Variants in FHL5 observed in about 807,000 individuals in gnomAD.
FHL5 encodes the protein four and a half LIM domains 5.
Under a neutral mutation model 32.0 loss-of-function variants are expected in FHL5, and 33 were observed. The observed-to-expected ratio is 1.03, with a 90% confidence interval of 0.78 to 1.38. FHL5 has a LOEUF of 1.38. Among genes scored for constraint, FHL5 ranks in the 40% most tolerant of loss-of-function variants. The probability of loss-of-function intolerance (pLI) is 0.00; values close to 1 mark genes in which losing one functional copy is unlikely to be tolerated. For synonymous variants in FHL5, 114 were observed against 113.6 expected (o/e 1.00, Z -0.02); for missense variants, 336 against 343.9 (o/e 0.98, Z 0.18).
chr6:96,569,999 G>A (rs974470572), intron 1 of FHL5, among the ~76,000 whole-genome samples: 1 of 151,674 alleles, frequency 6.6e-6, no homozygotes. Flanking sequence ...GTTAATCATT[G>A]TGGTTTGGTG....
At chr6:96,589,940 C>T (rs375022590) in intron 1 of FHL5, among the ~76,000 whole-genome samples, 2 of 151,994 alleles carry the variant, frequency 1.3e-5, no homozygotes, top group East Asian at 3.8e-4. Context: ...TCCTATTCTT[C>T]GTTATTCCTC....
At chr6:96,585,052 A>T (rs180917771) in intron 1 of FHL5, among the ~76,000 whole-genome samples, 1 of 152,154 alleles carries the variant, frequency 6.6e-6, no homozygotes, top group Non-Finnish European at 1.5e-5. Flanking sequence ...ACTGTCCATC[A>T]GTCACCTTTT....
At chr6:96,592,588 G>A (rs1025363038) in intron 1 of FHL5, among the ~76,000 whole-genome samples, 7 of 152,098 alleles carry the variant, frequency 4.6e-5, no homozygotes, top group African/African-American at 1.7e-4. Context: ...GTGAAAACAG[G>A]CATAGGAAAT....
At chr6:96,563,661 G>A (rs1770294292) in intron 1 of FHL5, among the ~76,000 whole-genome samples, 1 of 152,078 alleles carries the variant, frequency 6.6e-6, no homozygotes, top group Non-Finnish European at 1.5e-5. Flanking sequence ...GTGGGGTATA[G>A]CTTTATTGTT....
chr6:96,594,257 ATATATATATATATATATG>A (rs1488495344), intron 1 of FHL5, among the ~76,000 whole-genome samples: 1 of 99,322 alleles, frequency 1.0e-5, no homozygotes, highest in African/African-American at 3.2e-5. Context: ...ATATATATAT[ATATATATATATATATATG>A]TATGTATGTA....
chr6:96,589,515 T>C (rs916267940), intron 1 of FHL5, among the ~76,000 whole-genome samples: 9 of 152,086 alleles, frequency 5.9e-5, no homozygotes, highest in Admixed American at 3.9e-4. Context: ...TCAAGTCTTT[T>C]GTACTTTTAT....
chr6:96,575,436 C>A (rs1209450675), intron 1 of FHL5, among the ~76,000 whole-genome samples: 1 of 152,148 alleles, frequency 6.6e-6, no homozygotes, highest in Non-Finnish European at 1.5e-5. Context: ...CCCTTCCCAG[C>A]CTGAACTGAG....
At chr6:96,607,467 C>T (rs1771309466) in intron 4 of FHL5, among the ~76,000 whole-genome samples, 1 of 152,030 alleles carries the variant, frequency 6.6e-6, no homozygotes, top group South Asian at 2.1e-4. Flanking sequence ...ACCACTACTG[C>T]ATTTAAAGAG....
intron 1 of FHL5, among the ~76,000 whole-genome samples, chr6:96,600,911 G>A (rs1771133697): frequency 6.6e-6 from 1 of 152,160 alleles, no homozygotes; most frequent in African/African-American, 2.4e-5. Flanking sequence ...TGAACCAAAT[G>A]CTTCCTCCCA....
chr6:96,593,324 T>C (rs1300181771), intron 1 of FHL5, among the ~76,000 whole-genome samples: 1 of 152,144 alleles, frequency 6.6e-6, no homozygotes, highest in African/African-American at 2.4e-5. Context: ...ATTCTTTATA[T>C]TCCCTTGTCT....
chr6:96,592,578 G>A (rs1770944626), intron 1 of FHL5, among the ~76,000 whole-genome samples: 1 of 152,128 alleles, frequency 6.6e-6, no homozygotes, highest in Non-Finnish European at 1.5e-5. Context: ...AGAGATTAAA[G>A]TGAAAACAGG....
chr6:96,599,118 A>G (rs1771094854), intron 1 of FHL5, among the ~76,000 whole-genome samples: 1 of 152,148 alleles, frequency 6.6e-6, no homozygotes, highest in South Asian at 2.1e-4. Context: ...AAAATACAAA[A>G]ATAGCTATTT....
intron 1 of FHL5, among the ~76,000 whole-genome samples, chr6:96,585,813 A>G (rs968907123): frequency 6.6e-6 from 1 of 152,216 alleles, no homozygotes; most frequent in East Asian, 1.9e-4. Context: ...ATTATATCCT[A>G]GTGCACTTCA....
At chr6:96,584,394 G>A (rs948062491) in intron 1 of FHL5, among the ~76,000 whole-genome samples, 1 of 151,424 alleles carries the variant, frequency 6.6e-6, no homozygotes, top group African/African-American at 2.4e-5. Flanking sequence ...TGTATTTGAG[G>A]AATAGGGAGA....
chr6:96,579,566 A>G (rs567712528), intron 1 of FHL5, among the ~76,000 whole-genome samples: 7 of 152,300 alleles, frequency 4.6e-5, no homozygotes, highest in Admixed American at 1.3e-4. Flanking sequence ...ACGAACTTGC[A>G]AGGTAGATTA....
rs576183960 is a variant in FHL5, at chr6:96,600,106, A to G, written c.-12-3496A>G. Among the ~76,000 whole-genome samples the G allele has an allele frequency of 3.9e-5, 6 of 152,308 alleles. No individual in the cohort carries two copies. In the East Asian group the frequency reaches 1.2e-3, roughly 29 times the overall value. The stretch of plus-strand genomic sequence containing the variant: ...CAAAGAGGAGGAAAAAGTAAAGAAT[A>G]ATGTTTAGAAAATTGTAAGATAGTA... On this transcript the variant is annotated intron_variant, in intron 1 of 5. Transcript: ENST00000450218.
At chr6:96,596,111 A>C (rs1322075029) in intron 1 of FHL5, among the ~76,000 whole-genome samples, 1 of 151,998 alleles carries the variant, frequency 6.6e-6, no homozygotes, top group Non-Finnish European at 1.5e-5. Context: ...AAAACCTAAG[A>C]GTTTTAGACC....
At chr6:96,614,246 T>G (rs1482459965) in intron 5 of FHL5, among the ~76,000 whole-genome samples, 2 of 102,730 alleles carry the variant, frequency 1.9e-5, no homozygotes, top group East Asian at 4.2e-4. Flanking sequence ...ATGTAATAAT[T>G]AGTTTTATGA....
At chr6:96,574,489 A>G (rs918556894) in intron 1 of FHL5, among the ~76,000 whole-genome samples, 1 of 152,210 alleles carries the variant, frequency 6.6e-6, no homozygotes, top group Non-Finnish European at 1.5e-5. Flanking sequence ...TCATATGTCA[A>G]AAATATTCCT....
Sources: allele counts gnomAD v4.1 joint callset (sites outside exome capture counted in the v4.1 genomes callset), GRCh38; gene constraint gnomAD v4.1.1; transcripts MANE v1.5; gene names NCBI Gene and HGNC (gene_info 2026-07-23, HGNC 2026-07-21).